The following NAA25 variants were observed in gnomAD, a reference collection of about 807,000 sequenced individuals.
The protein encoded by NAA25 is N-alpha-acetyltransferase 25, NatB auxiliary subunit, also known as N-terminal acetyltransferase B complex subunit NAA25.
NAA25 carries 30 observed loss-of-function variants against 132.5 expected under a neutral mutation model. That is an observed-to-expected ratio of 0.23 (90% confidence interval 0.17 to 0.31). The LOEUF (loss-of-function observed/expected upper bound fraction) is 0.31, where lower values mean the gene tolerates loss of function less well. NAA25 is among the 10% of genes least tolerant of loss of function. The pLI, the probability that NAA25 is intolerant of heterozygous loss-of-function variation, is 1.00. For synonymous variants in NAA25, 359 were observed against 401.9 expected (o/e 0.89, Z 1.28); for missense variants, 771 against 1,150.4 (o/e 0.67, Z 4.77).
intron 4 of NAA25, among the ~76,000 whole-genome samples, chr12:112,086,536 C>T (rs2079060142): frequency 6.6e-6 from 1 of 151,928 alleles, no homozygotes; most frequent in South Asian, 2.1e-4. Context: ...TATGTTAAAA[C>T]TTGCATAAAC....
chr12:112,048,415 T>C lies in NAA25; in HGVS notation c.1757A>G (p.Lys586Arg), dbSNP rs780711833. ...DTSEYIIQAY[K>R]YGAFEKIPEF... The stretch of plus-strand genomic sequence containing the variant: ...TGGGATCTTCTCAAATGCACCATAT[T>C]TGTAAGCTTGAATAATATATTCTGA... Residue 586 changes from lysine (K) to arginine (R), a missense_variant, in exon 16 of 24, where the codon AAA (lysine) becomes AGA (arginine). Coordinates refer to ENST00000261745, the MANE Select transcript of NAA25 (RefSeq NM_024953.4). The C allele has an allele frequency of 1.9e-6, 3 of 1,613,914 alleles. No homozygotes were observed. Among genetic ancestry groups the C allele is most frequent in the Non-Finnish European group, 2.5e-6 (3 of 1,179,842 alleles).
At chr12:112,053,715 A>G in intron 14 of NAA25, 58 bp from the exon 15 acceptor site, 3 of 1,256,460 alleles carry the variant, frequency 2.4e-6, no homozygotes, top group Non-Finnish European at 3.4e-6. Flanking sequence ...TACCTAGCTC[A>G]AGTAACAAAT....
rs1002409049 is a variant in NAA25 at position 112,049,505 on chromosome 12, G to A, written c.1729-1062C>T. ...TACCCTCTGATATACAGCCTTGCAGGGTTCATTTCAGGCCGCGGGATTGCG... is the reference window on the plus strand; with the variant it reads ...TACCCTCTGATATACAGCCTTGCAGAGTTCATTTCAGGCCGCGGGATTGCG... On this transcript the variant is annotated intron_variant, in intron 15 of 23. Coordinates refer to ENST00000261745, the MANE Select transcript of NAA25 (RefSeq NM_024953.4). The surrounding 1 kb of genome is among the most constrained non-coding windows in gnomAD (Gnocchi z 4.7). 4.1e-6 allele frequency: 4 copies of A among 985,858 alleles called. No individual in the cohort carries two copies. The highest frequency in any genetic ancestry group is 3.6e-6 in the Non-Finnish European group (3 of 829,952). 61.1% of individuals were successfully genotyped at this position (985,858 alleles called of 1,614,324 possible). A position where few individuals can be genotyped will look rare whatever the true frequency, so the allele number is the denominator to read the frequency against.
At chr12:112,098,057 G>T (rs915361802) in intron 1 of NAA25, among the ~76,000 whole-genome samples, 2 of 140,008 alleles carry the variant, frequency 1.4e-5, no homozygotes, top group South Asian at 5.0e-4. Flanking sequence ...GGAGGCGGAG[G>T]TTGCAATGAG....
At chr12:112,040,277 C>G (rs2078283952) in intron 21 of NAA25, 3 of 433,178 alleles carry the variant, frequency 6.9e-6, no homozygotes, top group South Asian at 7.1e-5. Context: ...GAAGTTTTAC[C>G]TAAGTATTAT....
chr12:112,038,249 A>G (rs2078252711), intron 22 of NAA25, among the ~76,000 whole-genome samples: 1 of 152,120 alleles, frequency 6.6e-6, no homozygotes, highest in Admixed American at 6.5e-5. Flanking sequence ...CCTGACCTCA[A>G]GTGATCTGCC....
intron 17 of NAA25, among the ~76,000 whole-genome samples, chr12:112,045,500 A>ACC (rs539477106): frequency 6.8e-6 from 1 of 147,460 alleles, no homozygotes; most frequent in African/African-American, 2.5e-5. Flanking sequence ...AAAAAAAAAA[A>ACC]AAAAAAAATA....
chr12:112,096,109 T>C (rs1050611296), intron 1 of NAA25, among the ~76,000 whole-genome samples: 2 of 152,248 alleles, frequency 1.3e-5, no homozygotes, highest in African/African-American at 4.8e-5. Context: ...CTACTCATTT[T>C]TCTGTAAACC....
chr12:112,085,894 T>G (rs1275239490), intron 4 of NAA25, among the ~76,000 whole-genome samples: 1 of 148,784 alleles, frequency 6.7e-6, no homozygotes, highest in Non-Finnish European at 1.5e-5. Context: ...GACATGTGCC[T>G]GTAGTCCCAG....
chr12:112,039,995 A>T, intron 21 of NAA25: 1 of 155,770 alleles, frequency 6.4e-6, no homozygotes, highest in Admixed American at 6.5e-5. Flanking sequence ...GTCAACAAAT[A>T]TGTGACAGAA....
In NAA25 at chr12:112,082,620, A is replaced by G. The variant is rs563710833; in HGVS notation, c.403-1486T>C. ...CTAAATATAAAAATAAATGTCCTATATAAAACACCATCCTAGGGTATTTCC... is the reference window on the plus strand; with the variant it reads ...CTAAATATAAAAATAAATGTCCTATGTAAAACACCATCCTAGGGTATTTCC... On this transcript the variant is annotated intron_variant, in intron 4 of 23. Coordinates refer to ENST00000261745, the MANE Select transcript of NAA25 (RefSeq NM_024953.4). Among the ~76,000 whole-genome samples, 214 of 152,214 alleles carry G rather than the reference A, an allele frequency of 1.4e-3. 1 individual carries two copies. Among genetic ancestry groups the G allele is most frequent in the Middle Eastern group, 6.8e-3 (2 of 294 alleles).
In NAA25 at chr12:112,040,466, A is replaced by G. The variant is rs1367438865; in HGVS notation, c.2538+15T>C. The G allele has an allele frequency of 2.1e-6, 3 of 1,460,578 alleles. No homozygotes were observed. The Admixed American group carries it at 5.3e-5, about 26-fold the overall frequency. 90.5% of individuals were successfully genotyped at this position (1,460,578 alleles called of 1,614,324 possible). ...AAGAACAACAATGTCTTTTAGGAAG[A>G]GAACAAAAACTTACCTCAACAAAGA... is the stretch of plus-strand genomic sequence containing the variant. On this transcript the variant is annotated intron_variant, in intron 21 of 23. Coordinates refer to ENST00000261745, the MANE Select transcript of NAA25 (RefSeq NM_024953.4).
In NAA25 at chr12:112,028,542, A is replaced by T. The variant is rs1419097757; in HGVS notation, c.*989T>A. Reference sequence around the variant, plus strand: ...CCTAAAACTTAAAGCCTAAGGCTAAATCCATAATATTACATTCCTTCCTTC... The same window carrying T: ...CCTAAAACTTAAAGCCTAAGGCTAATTCCATAATATTACATTCCTTCCTTC... On this transcript the variant is annotated 3_prime_UTR_variant, in exon 24 of 24. Transcript: ENST00000261745. The T allele has an allele frequency of 6.6e-6, 1 of 152,110 alleles. No individual in the cohort carries two copies. The highest frequency in any genetic ancestry group is 2.4e-5 in the African/African-American group (1 of 41,408). 9.4% of individuals were successfully genotyped at this position (152,110 alleles called of 1,614,324 possible).
At position 112,043,170 on chromosome 12, in the gene NAA25, G is replaced by A; in HGVS notation, c.2292C>T (p.Phe764=). ...LGPVPTRMGG[F]FNSGCSQCQI... is the part of the protein sequence containing the mutation. ...GGCACTGAGAACAGCCAGAATTAAAGAATCCACCCATTCTGGTAGGTACAG... is the reference window on the plus strand; with the variant it reads ...GGCACTGAGAACAGCCAGAATTAAAAAATCCACCCATTCTGGTAGGTACAG... The change falls in exon 19 of 24, where the codon TTC becomes TTT. Residue 764 remains phenylalanine (F), a synonymous_variant. Coordinates refer to ENST00000261745, the MANE Select transcript of NAA25 (RefSeq NM_024953.4). The A allele has an allele frequency of 6.2e-7, 1 of 1,613,178 alleles. No homozygotes were observed.
chr12:112,064,688 C>T (rs2078688162), intron 11 of NAA25, among the ~76,000 whole-genome samples: 1 of 152,172 alleles, frequency 6.6e-6, no homozygotes, highest in Admixed American at 6.6e-5. Flanking sequence ...ATAATCTGCT[C>T]ATTATTTTAG....
At chr12:112,080,275 T>C (rs1288838682) in intron 5 of NAA25, among the ~76,000 whole-genome samples, 1 of 108,212 alleles carries the variant, frequency 9.2e-6, no homozygotes, top group Non-Finnish European at 1.7e-5. Context: ...CGAGACTCTG[T>C]CTCAAAAAAA....
At chr12:112,063,107 G>T (rs557678627) in intron 11 of NAA25, among the ~76,000 whole-genome samples, 4 of 151,326 alleles carry the variant, frequency 2.6e-5, no homozygotes, top group Non-Finnish European at 5.9e-5. Flanking sequence ...AGAGATGACA[G>T]CAAATAAAAA....
intron 7 of NAA25, 71 bp from the exon 8 acceptor site, chr12:112,075,860 C>T: frequency 1.7e-6 from 2 of 1,202,414 alleles, no homozygotes; most frequent in Admixed American, 2.0e-5. Context: ...AGAGTCCAAC[C>T]ACAAGAAGGA....
At chr12:112,106,085 C>T (rs1168520587) in intron 1 of NAA25, among the ~76,000 whole-genome samples, 1 of 152,186 alleles carries the variant, frequency 6.6e-6, no homozygotes, top group Non-Finnish European at 1.5e-5. Context: ...CACGGACAGT[C>T]TGTACCGTTC....
Sources: allele counts gnomAD v4.1 joint callset (sites outside exome capture counted in the v4.1 genomes callset), GRCh38; gene constraint gnomAD v4.1.1; non-coding constraint Gnocchi (gnomAD v3.1); transcripts MANE v1.5; gene names NCBI Gene and HGNC (gene_info 2026-07-23, HGNC 2026-07-21).